The following KDM4C variants were observed in gnomAD, a reference collection of about 807,000 sequenced individuals.
KDM4C encodes lysine-specific demethylase 4C.
Under a neutral mutation model 129.3 loss-of-function variants are expected in KDM4C, and 81 were observed. The observed-to-expected ratio is 0.63, with a 90% CI of 0.52 to 0.75. The LOEUF (loss-of-function observed/expected upper bound fraction) is 0.75, where lower values mean the gene tolerates loss of function less well. KDM4C is among the 30% of genes least tolerant of loss of function. The probability of loss-of-function intolerance (pLI) is 0.00; values close to 1 mark genes in which losing one functional copy is unlikely to be tolerated. For missense variants in KDM4C, 1,457 were observed against 1,304.0 expected (o/e 1.12, Z -1.81); for synonymous variants, 573 against 456.1 (o/e 1.26, Z -3.26).
chr9:7,158,838 C>G (rs148021448), intron 19 of KDM4C, among the ~76,000 whole-genome samples: 1 of 152,216 alleles, frequency 6.6e-6, no homozygotes, highest in Non-Finnish European at 1.5e-5. Context: ...GTGGAGAGTC[C>G]TGTAGATGTC....
In KDM4C at chr9:6,841,007, A is replaced by T. The variant is rs371384561; in HGVS notation, c.436-8500A>T. Among the ~76,000 whole-genome samples the T allele has an allele frequency of 4.6e-5, 7 of 152,280 alleles. No homozygotes were observed. The East Asian group carries it at 9.6e-4, about 21-fold the overall frequency. On this transcript the variant is annotated intron_variant, in intron 4 of 21. Coordinates refer to ENST00000381309, the MANE Select transcript of KDM4C (RefSeq NM_015061.6). ...ATGGCATTTTTGTGGTGGAAGAAAG[A>T]CTGTAGTCCTGCCCATCTGTATATT...
intron 8 of KDM4C, among the ~76,000 whole-genome samples, chr9:6,922,288 C>T (rs1205394671): frequency 6.6e-6 from 1 of 152,080 alleles, no homozygotes; most frequent in Non-Finnish European, 1.5e-5. Flanking sequence ...TTTCTTTTAC[C>T]TTTGCCCTTA....
intron 8 of KDM4C, among the ~76,000 whole-genome samples, chr9:6,975,260 C>CT (rs1351651011): frequency 6.6e-6 from 1 of 152,138 alleles, no homozygotes; most frequent in African/African-American, 2.4e-5. Context: ...TGGTTAAACT[C>CT]TATCAACACA....
chr9:7,113,247 GT>G (rs1838530217), intron 18 of KDM4C, among the ~76,000 whole-genome samples: 1 of 152,150 alleles, frequency 6.6e-6, no homozygotes, highest in Non-Finnish European at 1.5e-5. Context: ...CAATAGAAGG[GT>G]TTTGTTGAGC....
chr9:7,069,258 A>C (rs1008005400), intron 17 of KDM4C, among the ~76,000 whole-genome samples: 1 of 152,234 alleles, frequency 6.6e-6, no homozygotes, highest in Non-Finnish European at 1.5e-5. Context: ...TGTAGTCTAC[A>C]TTTTAAAATA....
rs1846341904 is a variant in KDM4C at position 6,893,148 on chromosome 9, T to C, written c.837T>C (p.Ala279=). The C allele has an allele frequency of 1.2e-6, 2 of 1,605,510 alleles. No homozygotes were observed. Among genetic ancestry groups the C allele is most frequent in the East Asian group, 4.5e-5 (2 of 44,214 alleles). The change falls in exon 8 of 22, where the codon GCT becomes GCC. Residue 279 remains alanine (A), a synonymous_variant. Transcript: ENST00000381309. ...TCACTTTCCCATATGGCTACCATGC[T>C]GGTTTTAATCATGGTTTCAACTGTG... ...FMITFPYGYH[A]GFNHGFNCAE...
intron 5 of KDM4C, among the ~76,000 whole-genome samples, chr9:6,869,686 C>T (rs930874301): frequency 4.6e-5 from 7 of 152,216 alleles, no homozygotes; most frequent in African/African-American, 1.4e-4. Context: ...TGGACCATCC[C>T]TTGCATGTGG....
At chr9:6,788,636 C>T (rs1036302760) in intron 1 of KDM4C, among the ~76,000 whole-genome samples, 6 of 152,188 alleles carry the variant, frequency 3.9e-5, no homozygotes, top group African/African-American at 1.4e-4. Flanking sequence ...ATAATTATTG[C>T]AGCAGATACT....
At chr9:7,094,060 A>T (rs569799862) in intron 17 of KDM4C, among the ~76,000 whole-genome samples, 30 of 152,378 alleles carry the variant, frequency 2.0e-4, no homozygotes, top group African/African-American at 6.7e-4. Flanking sequence ...GGGCAGCTTC[A>T]TGAGGAATAG....
Position 6,814,674 on chromosome 9 carries a change from A to G in KDM4C, c.364A>G (p.Lys122Glu), listed in dbSNP as rs1356065831. Residue 122 changes from lysine (K) to glutamate (E), a missense_variant, in exon 4 of 22, where the codon AAG (lysine) becomes GAG (glutamate). Coordinates refer to ENST00000381309, the MANE Select transcript of KDM4C (RefSeq NM_015061.6). ...RYLDYEDLER[K>E]YWKNLTFVAP... is the part of the protein sequence containing the mutation. ...CTTGGATTACGAAGATTTGGAGCGCAAGTACTGGAAGAACTTAACTTTTGT... is the reference window on the plus strand; with the variant it reads ...CTTGGATTACGAAGATTTGGAGCGCGAGTACTGGAAGAACTTAACTTTTGT... 2.5e-6 allele frequency: 4 copies of G among 1,611,190 alleles called. No homozygotes were observed. The highest frequency in any genetic ancestry group is 3.4e-6 in the Non-Finnish European group (4 of 1,178,686).
At chr9:6,946,649 G>C (rs1320629214) in intron 8 of KDM4C, among the ~76,000 whole-genome samples, 1 of 152,064 alleles carries the variant, frequency 6.6e-6, no homozygotes, top group African/African-American at 2.4e-5. Context: ...TATGTTGTCT[G>C]TGTGCATACA....
At chr9:6,808,825 T>G (rs1463612530) in intron 3 of KDM4C, among the ~76,000 whole-genome samples, 1 of 151,228 alleles carries the variant, frequency 6.6e-6, no homozygotes, top group East Asian at 1.9e-4. Flanking sequence ...AAGGGAGGAG[T>G]GTCAATGAAT....
chr9:6,865,589 C>T (rs1258289005), intron 5 of KDM4C, among the ~76,000 whole-genome samples: 1 of 152,122 alleles, frequency 6.6e-6, no homozygotes, highest in South Asian at 2.1e-4. Context: ...CTTTTTGAGA[C>T]AGAGTCTTGG....
intron 1 of KDM4C, among the ~76,000 whole-genome samples, chr9:6,776,422 C>T (rs576631094): frequency 3.9e-5 from 6 of 152,146 alleles, no homozygotes; most frequent in African/African-American, 1.2e-4. Flanking sequence ...CCATCACGAC[C>T]AGCTAATTTT....
chr9:6,760,308 T>A (rs943593115), intron 1 of KDM4C, among the ~76,000 whole-genome samples: 6 of 152,122 alleles, frequency 3.9e-5, no homozygotes, highest in African/African-American at 1.4e-4. Flanking sequence ...TAATGGCTAA[T>A]ATTCTATTAT....
At chr9:6,841,354 ATGT>A (rs1164562760) in intron 4 of KDM4C, among the ~76,000 whole-genome samples, 15 of 152,254 alleles carry the variant, frequency 9.9e-5, no homozygotes, top group Non-Finnish European at 1.3e-4. Context: ...AATGGGAAGG[ATGT>A]TGTTGAGGAT....
chr9:6,747,340 G>T (rs1216248737), intron 1 of KDM4C, among the ~76,000 whole-genome samples: 1 of 151,908 alleles, frequency 6.6e-6, no homozygotes, highest in Non-Finnish European at 1.5e-5. Context: ...GAGGTCAGGA[G>T]ATCGAGACCA....
chr9:6,815,003 A>G (rs1041389151), intron 4 of KDM4C: 1 of 288,160 alleles, frequency 3.5e-6, no homozygotes, highest in Non-Finnish European at 6.4e-6. Context: ...CATTACATTA[A>G]AACTTTTTAA....
Position 6,864,948 on chromosome 9 carries a change from G to C in KDM4C, c.630-15064G>C, listed in dbSNP as rs564465950. On this transcript the variant is annotated intron_variant, in intron 5 of 21. Coordinates refer to ENST00000381309, the MANE Select transcript of KDM4C (RefSeq NM_015061.6). ...TTTAGTTCAGCAAATGTATTTCTTA[G>C]TCCCAAGATTTCTGTTTGATTTTTT... Among the ~76,000 whole-genome samples the C allele has an allele frequency of 2.9e-3, 424 of 147,128 alleles. 2 individuals are homozygous for C. The highest frequency in any genetic ancestry group is 4.8e-3 in the South Asian group (22 of 4,614).
Sources: allele counts gnomAD v4.1 joint callset (sites outside exome capture counted in the v4.1 genomes callset), GRCh38; gene constraint gnomAD v4.1.1; transcripts MANE v1.5; gene names NCBI Gene and HGNC (gene_info 2026-07-23, HGNC 2026-07-21).